Variants in PCDH15 observed in about 807,000 individuals in gnomAD.
The protein encoded by PCDH15 is protocadherin related 15, also known as protocadherin-15.
A neutral mutation model predicts 178.5 loss-of-function variants in PCDH15; 129 were observed. The observed-to-expected ratio is 0.72, with a 90% CI of 0.63 to 0.84. The LOEUF (loss-of-function observed/expected upper bound fraction) is 0.84. PCDH15 is among the 40% of genes least tolerant of loss of function. PCDH15 has a pLI of 0.00. For synonymous variants in PCDH15, 800 were observed against 732.0 expected, an observed-to-expected ratio of 1.09 and a Z score of -1.50; for missense variants, 2,230 against 2,099.9, an observed-to-expected ratio of 1.06 and a Z score of -1.21.
At chr10:54,995,129 C>A (rs1466223481) in intron 2 of PCDH15, among the ~76,000 whole-genome samples, 1 of 152,032 alleles carries the variant, frequency 6.6e-6, no homozygotes, top group Non-Finnish European at 1.5e-5. Context: ...GTAATCCCAG[C>A]ACTTTGGGAG....
At position 55,396,058 on chromosome 10, in the gene PCDH15, C is replaced by A. The variant is rs1344418115; in HGVS notation, c.-155-229407G>T. Among the ~76,000 whole-genome samples, 3 of 143,556 alleles carry A rather than the reference C, an allele frequency of 2.1e-5. 1 individual carries two copies. 94.2% of individuals were successfully genotyped at this position (143,556 alleles called of 152,430 possible). A position where few individuals can be genotyped will look rare whatever the true frequency, so the allele number is the denominator to read the frequency against. On this transcript the variant is annotated intron_variant, in intron 2 of 5. Coordinates refer to the PCDH15 transcript ENST00000613346. ...AATATATTTTAGCATTTTCTGGATT[C>A]GTTAGATAAAAAATAGAATAAAATT...
At chr10:53,861,669 G>C (rs934387196) in intron 27 of PCDH15, among the ~76,000 whole-genome samples, 1 of 152,072 alleles carries the variant, frequency 6.6e-6, no homozygotes, top group African/African-American at 2.4e-5. Context: ...TATATGTTTA[G>C]TAAAATATCA....
chr10:54,221,847 C>T (rs1481672343), intron 9 of PCDH15, among the ~76,000 whole-genome samples: 3 of 152,200 alleles, frequency 2.0e-5, no homozygotes, highest in Non-Finnish European at 4.4e-5. Context: ...AGGTGATCCA[C>T]TGGCCTCGGC....
intron 2 of PCDH15, among the ~76,000 whole-genome samples, chr10:54,930,817 G>A (rs752444900): frequency 6.6e-6 from 1 of 152,048 alleles, no homozygotes; most frequent in Non-Finnish European, 1.5e-5. Flanking sequence ...AATAGTTCTT[G>A]TTTGATTGAA....
intron 2 of PCDH15, among the ~76,000 whole-genome samples, chr10:55,356,161 C>G (rs1029255488): frequency 3.3e-5 from 5 of 151,374 alleles, no homozygotes; most frequent in Non-Finnish European, 5.9e-5. Context: ...TGTGTTCAGC[C>G]CTTTTTTTGT....
intron 2 of PCDH15, among the ~76,000 whole-genome samples, chr10:54,620,571 A>C (rs2134418767): frequency 6.6e-6 from 1 of 152,186 alleles, no homozygotes; most frequent in Non-Finnish European, 1.5e-5. Context: ...CAGCACATTT[A>C]AACCACTGAA....
At chr10:54,822,326 T>C (rs769004076) in intron 3 of PCDH15, among the ~76,000 whole-genome samples, 12 of 152,140 alleles carry the variant, frequency 7.9e-5, no homozygotes, top group Non-Finnish European at 1.3e-4. Flanking sequence ...ACCACCACTC[T>C]ACTCTCTGCC....
intron 18 of PCDH15, among the ~76,000 whole-genome samples, chr10:54,054,826 T>C (rs2135676057): frequency 6.6e-6 from 1 of 152,150 alleles, no homozygotes; most frequent in South Asian, 2.1e-4. Context: ...TGGGCTTTTT[T>C]CTTTATCAGA....
chr10:54,626,002 G>A (rs748257285), intron 2 of PCDH15, among the ~76,000 whole-genome samples: 1 of 152,156 alleles, frequency 6.6e-6, no homozygotes, highest in Non-Finnish European at 1.5e-5. Flanking sequence ...CTGGAGCAAA[G>A]GTGACTTCTG....
chr10:54,404,986 A>T (rs963100522), intron 3 of PCDH15, among the ~76,000 whole-genome samples: 1 of 152,034 alleles, frequency 6.6e-6, no homozygotes, highest in Non-Finnish European at 1.5e-5. Flanking sequence ...ATTACAATTA[A>T]AAAAGTCAAA....
chr10:54,745,568 T>C (rs1298442487), intron 1 of PCDH15, among the ~76,000 whole-genome samples: 1 of 152,202 alleles, frequency 6.6e-6, no homozygotes, highest in Non-Finnish European at 1.5e-5. Context: ...TGAAATCAGT[T>C]AGACTGGTAA....
chr10:54,906,336 AT>A (rs543952555), intron 2 of PCDH15, among the ~76,000 whole-genome samples: 18 of 152,168 alleles, frequency 1.2e-4, no homozygotes, highest in African/African-American at 3.9e-4. Flanking sequence ...CGATTAGATT[AT>A]TTTTTTATTT....
At chr10:55,604,442 A>AT (rs1363651857) in intron 2 of PCDH15, among the ~76,000 whole-genome samples, 1 of 143,924 alleles carries the variant, frequency 6.9e-6, no homozygotes. Flanking sequence ...CGGAATATAC[A>AT]TTTTTTTCAG....
At chr10:53,880,799 A>T (rs1470090186) in intron 26 of PCDH15, among the ~76,000 whole-genome samples, 1 of 152,114 alleles carries the variant, frequency 6.6e-6, no homozygotes, top group African/African-American at 2.4e-5. Context: ...TGTAAAGAAG[A>T]CTGTATTTAT....
intron 2 of PCDH15, among the ~76,000 whole-genome samples, chr10:55,467,560 C>A (rs561467588): frequency 6.6e-6 from 1 of 151,942 alleles, no homozygotes; most frequent in East Asian, 1.9e-4. Flanking sequence ...TTAGTTAAAC[C>A]ATATTTAAGT....
intron 1 of PCDH15, among the ~76,000 whole-genome samples, chr10:54,742,488 T>C (rs1944936725): frequency 6.6e-6 from 1 of 151,998 alleles, no homozygotes; most frequent in African/African-American, 2.4e-5. Context: ...AAGGTAGCCT[T>C]AGAAAATTTT....
At chr10:54,318,696 T>C (rs1029336805) in intron 7 of PCDH15, among the ~76,000 whole-genome samples, 1 of 152,198 alleles carries the variant, frequency 6.6e-6, no homozygotes, top group Non-Finnish European at 1.5e-5. Flanking sequence ...ACTGGATATT[T>C]TGCAGAATGT....
chr10:55,175,871 C>T (rs935236838), intron 1 of PCDH15, among the ~76,000 whole-genome samples: 2 of 151,852 alleles, frequency 1.3e-5, no homozygotes, highest in African/African-American at 4.8e-5. Flanking sequence ...CTCTTAACTG[C>T]TATACGTGTG....
intron 26 of PCDH15, among the ~76,000 whole-genome samples, chr10:53,878,921 G>C (rs2080484467): frequency 6.6e-6 from 1 of 152,110 alleles, no homozygotes; most frequent in Non-Finnish European, 1.5e-5. Context: ...CTCCTCATTT[G>C]TAAAATGAGG....
Sources: gnomAD v4.1 joint callset for allele counts (sites outside exome capture counted in the v4.1 genomes callset) on GRCh38, gnomAD v4.1.1 for gene constraint, MANE v1.5 for transcripts, NCBI Gene and HGNC (gene_info 2026-07-23, HGNC 2026-07-21) for gene names.